MYRF: variants seen among roughly 807,000 people sequenced by gnomAD.
MYRF encodes the protein myelin gene regulatory factor.
In MYRF, 16 loss-of-function variants were observed where a neutral mutation model predicts 126.3. The observed-to-expected ratio is 0.13, with a 90% confidence interval of 0.09 to 0.19. The LOEUF is 0.19. Ranked by LOEUF, MYRF falls within the 10% of genes least tolerant of loss-of-function variation. MYRF has a pLI of 1.00. For synonymous variants in MYRF, 608 were observed against 635.3 expected (o/e 0.96, Z 0.65); for missense variants, 1,104 against 1,547.0 (o/e 0.71, Z 4.80).
chr11:61,754,844 CCT>C (rs2065702145), intron 1 of MYRF, among the ~76,000 whole-genome samples: 1 of 152,182 alleles, frequency 6.6e-6, no homozygotes, highest in African/African-American at 2.4e-5. Flanking sequence ...GTGGGTGGCC[CCT>C]GAGGCCTAGG....
Position 61,769,796 on chromosome 11 carries a change from G to A in MYRF, c.461-450G>A, listed in dbSNP as rs192561941. On this transcript the variant is annotated intron_variant, in intron 4 of 26. Coordinates refer to ENST00000278836, the MANE Select transcript of MYRF (RefSeq NM_001127392.3). ...CCTGGAATGCCTCCTGGGGAACAAAGGGAGCTGGGGCCTCCCCGCTCAGGC... is the reference window on the plus strand; with the variant it reads ...CCTGGAATGCCTCCTGGGGAACAAAAGGAGCTGGGGCCTCCCCGCTCAGGC... Among the ~76,000 whole-genome samples, 4 of 152,272 alleles carry A rather than the reference G, an allele frequency of 2.6e-5. No homozygotes were observed. In the East Asian group the frequency reaches 7.8e-4, roughly 30 times the overall value.
intron 3 of MYRF, chr11:61,766,924 G>T (rs1300951107): frequency 2.3e-6 from 1 of 441,612 alleles, no homozygotes; most frequent in South Asian, 1.6e-5. Flanking sequence ...AAAACACTAG[G>T]TGCATGAACT....
rs746614572 is a variant in MYRF at position 61,777,515 on chromosome 11, G to A, written c.1791+51G>A. On this transcript the variant is annotated intron_variant, in intron 12 of 26. Coordinates refer to ENST00000278836, the MANE Select transcript of MYRF (RefSeq NM_001127392.3). The surrounding 1 kb of genome is among the most constrained non-coding windows in gnomAD (Gnocchi z 8.8). ...GCGGGTCCAGACGCTGGAGCGGGCC[G>A]CGGGGGCGGGGCTCCTGGGGAGGGG... The A allele has an allele frequency of 5.9e-6, 9 of 1,523,678 alleles. No homozygotes were observed. In the South Asian group the frequency reaches 8.4e-5, roughly 14 times the overall value. The allele number at this position is 1,523,678 out of a possible 1,614,324, so 94.4% of individuals were successfully genotyped here.
In MYRF at chr11:61,757,106, C is replaced by T. The variant is rs556053941; in HGVS notation, c.46+4316C>T. ...ACCTTCCCACCTTCCTCTTCACGGACCTAGCACCTTCCTGGGCCTCAGTTT... is the reference window on the plus strand; with the variant it reads ...ACCTTCCCACCTTCCTCTTCACGGATCTAGCACCTTCCTGGGCCTCAGTTT... On this transcript the variant is annotated intron_variant, in intron 1 of 26. Coordinates refer to ENST00000278836, the MANE Select transcript of MYRF (RefSeq NM_001127392.3). This position sits in a 1 kb window ranked among gnomAD's most constrained non-coding sequence, Gnocchi z 4.7. 2.0e-5 allele frequency: 9 copies of T among 454,508 alleles called. No homozygotes were observed. Among genetic ancestry groups the T allele is most frequent in the Admixed American group, 1.9e-4 (8 of 42,484 alleles). 28.2% of individuals were successfully genotyped at this position (454,508 alleles called of 1,614,324 possible).
Position 61,781,167 on chromosome 11 carries a change from G to C in MYRF, c.2602G>C (p.Gly868Arg). Reference sequence around the variant, plus strand: ...CACCAGCCTCACCAGCTCGGCCCCAGGTTCTGCTGTCCGCACCTTGGACAT... The same window carrying C: ...CACCAGCCTCACCAGCTCGGCCCCACGTTCTGCTGTCCGCACCTTGGACAT... ...VTTSLTSSAP[G>R]SAVRTLDMCS... The change falls in exon 21 of 27, where the codon GGT (glycine) becomes CGT (arginine). Residue 868 changes from glycine (G) to arginine (R), a missense_variant. Coordinates refer to ENST00000278836, the MANE Select transcript of MYRF (RefSeq NM_001127392.3). The C allele has an allele frequency of 6.2e-7, 1 of 1,613,862 alleles. No individual in the cohort carries two copies.
intron 1 of MYRF, among the ~76,000 whole-genome samples, chr11:61,762,803 C>G (rs993546488): frequency 1.3e-4 from 20 of 152,186 alleles, no homozygotes; most frequent in Admixed American, 1.3e-3. Flanking sequence ...AACCCTCAAA[C>G]TTCTTCCCCA....
intron 1 of MYRF, among the ~76,000 whole-genome samples, chr11:61,756,021 A>G (rs1029370772): frequency 1.3e-5 from 2 of 152,128 alleles, no homozygotes; most frequent in Non-Finnish European, 2.9e-5. Flanking sequence ...CTCCCAGGGT[A>G]AGTAAGTGGG....
rs1449385233 is a variant in MYRF at position 61,784,340 on chromosome 11, G to A, written c.3255G>A (p.Glu1085=). The A allele has an allele frequency of 1.2e-6, 2 of 1,614,076 alleles. No homozygotes were observed. The highest frequency in any genetic ancestry group is 8.5e-7 in the Non-Finnish European group (1 of 1,180,024). The change falls in exon 25 of 27, where the codon GAG becomes GAA. Residue 1085 remains glutamate (E), a synonymous_variant. Transcript: ENST00000278836. ...CSLRSKEEPC[E]EGSLPQSLHT... is the part of the protein sequence containing the mutation. ...TGAGGTCAAAGGAGGAACCATGTGA[G>A]GAGGGGAGCCTTCCACAGAGTCTCC...
chr11:61,777,272 C>T lies in MYRF; in HGVS notation c.1599C>T (p.Asn533=). The change falls in exon 12 of 27, where the codon AAC becomes AAT. Residue 533 remains asparagine (N), a synonymous_variant. Transcript: ENST00000278836. This position sits in a 1 kb window ranked among gnomAD's most constrained non-coding sequence, Gnocchi z 8.8. Reference sequence around the variant, plus strand: ...GCCCCAACTCGCGGTAGGCCTCCAACCCAGGCCAGTTCGAGAGCGACAGCG... The same window carrying T: ...GCCCCAACTCGCGGTAGGCCTCCAATCCAGGCCAGTTCGAGAGCGACAGCG... ...ISERIIVRAS[N]PGQFESDSDV... The T allele has an allele frequency of 6.2e-7, 1 of 1,612,770 alleles. No individual in the cohort carries two copies. The highest frequency in any genetic ancestry group is 8.5e-7 in the Non-Finnish European group (1 of 1,180,010).
intron 5 of MYRF, 148 bp downstream of exon 5, chr11:61,770,673 A>G (rs1323496791): frequency 2.8e-6 from 2 of 710,860 alleles, no homozygotes; most frequent in Non-Finnish European, 2.3e-6. Flanking sequence ...TGGGGGTAAC[A>G]TATTTATACA....
intron 18 of MYRF, 93 bp from the exon 19 acceptor site, chr11:61,780,619 T>G: frequency 3.9e-6 from 5 of 1,282,666 alleles, no homozygotes; most frequent in Non-Finnish European, 5.5e-6. Flanking sequence ...GTGAGCCCAC[T>G]GTCACCCCCA....
chr11:61,753,871 T>C (rs571131602), intron 1 of MYRF, among the ~76,000 whole-genome samples: 7 of 152,160 alleles, frequency 4.6e-5, no homozygotes, highest in African/African-American at 7.2e-5. Flanking sequence ...GGGGAAGTTC[T>C]GGCTGACTGC....
intron 5 of MYRF, among the ~76,000 whole-genome samples, chr11:61,770,851 C>T (rs1400939182): frequency 6.6e-6 from 1 of 152,098 alleles, no homozygotes; most frequent in Non-Finnish European, 1.5e-5. Context: ...GTGCTCTTAC[C>T]CAGACCCCAG....
At position 61,783,704 on chromosome 11, in the gene MYRF, A is replaced by G. The variant is rs1406501656; in HGVS notation, c.3119+104A>G. ...GCCCTTTCAGGGAGGAGCCTCCCCC[A>G]TAAGGAAGGGTAGCCCCTTTCCAGG... On this transcript the variant is annotated intron_variant, in intron 23 of 26. Transcript: ENST00000278836. This position sits in a 1 kb window ranked among gnomAD's most constrained non-coding sequence, Gnocchi z 4.6. 2 of 1,364,914 alleles carry G rather than the reference A, an allele frequency of 1.5e-6. No individual in the cohort carries two copies. Among genetic ancestry groups the G allele is most frequent in the Admixed American group, 1.8e-5 (1 of 54,318 alleles). The allele number at this position is 1,364,914 out of a possible 1,614,324, so 84.6% of individuals were successfully genotyped here.
intron 1 of MYRF, among the ~76,000 whole-genome samples, chr11:61,758,246 C>T (rs1485120806): frequency 2.0e-5 from 3 of 152,182 alleles, no homozygotes; most frequent in Admixed American, 6.5e-5. Flanking sequence ...GACCGGGGTC[C>T]GTGCAGCCAC....
intron 3 of MYRF, chr11:61,767,588 G>A: frequency 2.8e-6 from 1 of 362,286 alleles, no homozygotes; most frequent in South Asian, 2.1e-5. Flanking sequence ...CACTTTGGAA[G>A]GCCAAGGTAG....
Position 61,770,391 on chromosome 11 carries a change from G to A in MYRF, c.606G>A (p.Gln202=), listed in dbSNP as rs1406765726. 8 of 1,404,284 alleles carry A rather than the reference G, an allele frequency of 5.7e-6. No homozygotes were observed. The highest frequency in any genetic ancestry group is 7.6e-6 in the Non-Finnish European group (8 of 1,052,072). The allele number at this position is 1,404,284 out of a possible 1,614,324, so 87.0% of individuals were successfully genotyped here. A position where few individuals can be genotyped will look rare whatever the true frequency, so the allele number is the denominator to read the frequency against. Residue 202 remains glutamine (Q), a synonymous_variant, in exon 5 of 27, where the codon CAG becomes CAA. Transcript: ENST00000278836. ...PPPPPHYPVL[Q]RDLYMKAEPP... ...CCCCACCTCACTACCCTGTCCTGCA[G>A]CGGGATCTGTACATGAAGGCCGAGC...
At chr11:61,755,264 TA>T in intron 1 of MYRF, 1 of 1,078,398 alleles carries the variant, frequency 9.3e-7, no homozygotes, top group Non-Finnish European at 1.3e-6. Flanking sequence ...GGCTGGGGGC[TA>T]AGGCGCTTTG....
intron 1 of MYRF, among the ~76,000 whole-genome samples, chr11:61,761,291 C>A (rs1471813034): frequency 1.7e-5 from 2 of 117,224 alleles, no homozygotes. Context: ...CAAGGAGGGG[C>A]GGAAGGGAGG....
Sources: gnomAD v4.1 joint callset for allele counts (sites outside exome capture counted in the v4.1 genomes callset) on GRCh38, gnomAD v4.1.1 for gene constraint, Gnocchi (gnomAD v3.1) non-coding constraint, MANE v1.5 for transcripts, NCBI Gene and HGNC (gene_info 2026-07-23, HGNC 2026-07-21) for gene names.